The following PRKCA variants were observed in gnomAD, a reference collection of about 807,000 sequenced individuals.
PRKCA encodes protein kinase C alpha.
In PRKCA, 27 loss-of-function variants were observed where a neutral mutation model predicts 87.0. The observed-to-expected ratio is 0.31, with a 90% confidence interval of 0.23 to 0.43. The LOEUF (loss-of-function observed/expected upper bound fraction) is 0.43. Ranked by LOEUF, PRKCA falls within the 20% of genes least tolerant of loss-of-function variation. PRKCA has a pLI of 1.00. For missense variants in PRKCA, 518 were observed against 852.3 expected (o/e 0.61, Z 4.88); for synonymous variants, 329 against 311.1 (o/e 1.06, Z -0.61).
At chr17:66,682,301 A>G (rs1242568305) in intron 5 of PRKCA, among the ~76,000 whole-genome samples, 1 of 152,250 alleles carries the variant, frequency 6.6e-6, no homozygotes, top group East Asian at 1.9e-4. Flanking sequence ...GACAGCTGAT[A>G]ATTTCAGAGC....
intron 3 of PRKCA, among the ~76,000 whole-genome samples, chr17:66,565,566 C>G (rs1335019627): frequency 6.6e-6 from 1 of 152,214 alleles, no homozygotes; most frequent in Non-Finnish European, 1.5e-5. Context: ...GCCAGGGCTA[C>G]AAATCAGTAG....
chr17:66,350,813 C>T (rs891927161), intron 2 of PRKCA, among the ~76,000 whole-genome samples: 1 of 152,182 alleles, frequency 6.6e-6, no homozygotes, highest in Non-Finnish European at 1.5e-5. Context: ...ACGTGAGGCA[C>T]CGTGACTAGC....
At chr17:66,463,801 C>G (rs189949815) in intron 2 of PRKCA, among the ~76,000 whole-genome samples, 56 of 152,276 alleles carry the variant, frequency 3.7e-4, no homozygotes, top group Middle Eastern at 3.4e-3. Flanking sequence ...TTTCTCTGTG[C>G]CTGCACAGCA....
intron 8 of PRKCA, among the ~76,000 whole-genome samples, chr17:66,728,202 G>A (rs751676926): frequency 2.6e-5 from 4 of 152,220 alleles, no homozygotes; most frequent in Non-Finnish European, 2.9e-5. Context: ...GAGCAAGGGC[G>A]TGAAGATGCT....
At chr17:66,304,695 C>G (rs1318547034) in intron 1 of PRKCA, among the ~76,000 whole-genome samples, 1 of 152,190 alleles carries the variant, frequency 6.6e-6, no homozygotes, top group African/African-American at 2.4e-5. Flanking sequence ...TTTTTCCTTT[C>G]CTTTTTAGAC....
chr17:66,437,685 G>A (rs1913469388), intron 2 of PRKCA, among the ~76,000 whole-genome samples: 1 of 134,390 alleles, frequency 7.4e-6, no homozygotes, highest in Non-Finnish European at 1.5e-5. Flanking sequence ...GATGCTGTGG[G>A]TCCCAGAAGC....
intron 8 of PRKCA, among the ~76,000 whole-genome samples, chr17:66,698,837 T>C (rs1193626376): frequency 8.4e-6 from 1 of 118,552 alleles, no homozygotes; most frequent in Non-Finnish European, 1.8e-5. Flanking sequence ...AAAAAAAAAA[T>C]AGGTGTAGTG....
At chr17:66,637,490 CTAATG>C (rs1971177163) in intron 3 of PRKCA, among the ~76,000 whole-genome samples, 1 of 152,150 alleles carries the variant, frequency 6.6e-6, no homozygotes, top group Admixed American at 6.5e-5. Context: ...GTGGGCTTCC[CTAATG>C]GTGGAAGTCT....
chr17:66,302,824 C>A lies in PRKCA; in HGVS notation c.-28C>A. On this transcript the variant is annotated 5_prime_UTR_variant, in exon 1 of 17. Coordinates refer to ENST00000413366, the MANE Select transcript of PRKCA (RefSeq NM_002737.3). Reference sequence around the variant, plus strand: ...GCCCTCCGCGGCCGCAGCTCCCCGGCGGAGGCAAGAGGTGGTTGGGGGGGA... The same window carrying A: ...GCCCTCCGCGGCCGCAGCTCCCCGGAGGAGGCAAGAGGTGGTTGGGGGGGA... 1 of 1,493,408 alleles carries A rather than the reference C, an allele frequency of 6.7e-7. No individual in the cohort carries two copies. 92.5% of individuals were successfully genotyped at this position (1,493,408 alleles called of 1,614,324 possible). A position where few individuals can be genotyped will look rare whatever the true frequency, so the allele number is the denominator to read the frequency against.
intron 3 of PRKCA, among the ~76,000 whole-genome samples, chr17:66,515,499 A>G (rs1966938146): frequency 6.6e-6 from 1 of 152,104 alleles, no homozygotes; most frequent in South Asian, 2.1e-4. Context: ...TGATCTGCTG[A>G]TGACAGAAAA....
chr17:66,356,734 C>G lies in PRKCA; in HGVS notation c.205+50607C>G, dbSNP rs1598612884. ...ATGTTTGCTGTGGTGATAAACATAACCCTTAAAATGATTTTTTAAATATTT... is the reference window on the plus strand; with the variant it reads ...ATGTTTGCTGTGGTGATAAACATAAGCCTTAAAATGATTTTTTAAATATTT... On this transcript the variant is annotated intron_variant, in intron 2 of 16. Coordinates refer to ENST00000413366, the MANE Select transcript of PRKCA (RefSeq NM_002737.3). Among the ~76,000 whole-genome samples, 5 of 152,306 alleles carry G rather than the reference C, an allele frequency of 3.3e-5. No homozygotes were observed. The South Asian group carries it at 1.0e-3, about 32-fold the overall frequency.
chr17:66,504,798 G>C (rs888055294), intron 3 of PRKCA, among the ~76,000 whole-genome samples: 3 of 152,146 alleles, frequency 2.0e-5, no homozygotes, highest in Non-Finnish European at 2.9e-5. Context: ...GTGTTTTTCT[G>C]TTGCTCATGT....
At chr17:66,612,254 G>A (rs774370783) in intron 3 of PRKCA, among the ~76,000 whole-genome samples, 1 of 151,744 alleles carries the variant, frequency 6.6e-6, no homozygotes, top group Non-Finnish European at 1.5e-5. Flanking sequence ...GGTGGCAGGC[G>A]CCTGTAATCC....
At chr17:66,488,314 A>G (rs1476813833) in intron 2 of PRKCA, among the ~76,000 whole-genome samples, 1 of 152,206 alleles carries the variant, frequency 6.6e-6, no homozygotes, top group Non-Finnish European at 1.5e-5. Flanking sequence ...AAATGAAGAA[A>G]ATGACATTTT....
intron 2 of PRKCA, among the ~76,000 whole-genome samples, chr17:66,439,789 A>G (rs1171732570): frequency 6.6e-6 from 1 of 152,188 alleles, no homozygotes; most frequent in African/African-American, 2.4e-5. Context: ...ACTATTTTTC[A>G]TCATTTGCCA....
At chr17:66,477,954 TTGTTCCCTCTC>T (rs71702613) in intron 2 of PRKCA, among the ~76,000 whole-genome samples, 32,738 of 152,112 alleles carry the variant, frequency 0.22, 3,898 homozygotes, top group African/African-American at 0.31. Flanking sequence ...ACCAACTTAG[TTGTTCCCTCTC>T]TAAACCAAAA....
intron 2 of PRKCA, among the ~76,000 whole-genome samples, chr17:66,353,098 C>A (rs1465075366): frequency 6.6e-6 from 1 of 151,326 alleles, no homozygotes; most frequent in African/African-American, 2.4e-5. Context: ...GCCATGCACT[C>A]CAGAGATCTA....
chr17:66,484,723 C>G (rs1255028043), intron 2 of PRKCA, among the ~76,000 whole-genome samples: 2 of 152,180 alleles, frequency 1.3e-5, no homozygotes, highest in African/African-American at 4.8e-5. Flanking sequence ...ATATACTCTT[C>G]TTGCAACTTT....
intron 2 of PRKCA, among the ~76,000 whole-genome samples, chr17:66,325,809 G>A (rs1442775039): frequency 6.6e-6 from 1 of 152,144 alleles, no homozygotes; most frequent in Non-Finnish European, 1.5e-5. Flanking sequence ...GCTTTTGCAT[G>A]CACAACTCCT....
Sources: allele counts gnomAD v4.1 joint callset (sites outside exome capture counted in the v4.1 genomes callset), GRCh38; gene constraint gnomAD v4.1.1; transcripts MANE v1.5; gene names NCBI Gene and HGNC (gene_info 2026-07-23, HGNC 2026-07-21).